SGCD: variants seen among roughly 807,000 people sequenced by gnomAD.
The protein encoded by SGCD is sarcoglycan delta, also known as delta-sarcoglycan.
A neutral mutation model predicts 36.6 loss-of-function variants in SGCD; 18 were observed. The observed-to-expected ratio is 0.49, with a 90% CI of 0.34 to 0.73. The LOEUF (loss-of-function observed/expected upper bound fraction) is 0.73, where lower values mean the gene tolerates loss of function less well. Ranked by LOEUF, SGCD falls within the 30% of genes least tolerant of loss-of-function variation. SGCD has a pLI of 0.01. For synonymous variants in SGCD, 133 were observed against 130.6 expected, an observed-to-expected ratio of 1.02 and a Z score of -0.12; for missense variants, 387 against 346.7, an observed-to-expected ratio of 1.12 and a Z score of -0.92.
chr5:155,951,830 A>G (rs1338334991), intron 1 of SGCD, among the ~76,000 whole-genome samples: 1 of 152,108 alleles, frequency 6.6e-6, no homozygotes, highest in Non-Finnish European at 1.5e-5. Flanking sequence ...TATAGAGGGA[A>G]TAGAATGAGG....
chr5:156,397,034 C>T (rs1192092542), intron 3 of SGCD, among the ~76,000 whole-genome samples: 2 of 152,092 alleles, frequency 1.3e-5, no homozygotes, highest in Non-Finnish European at 2.9e-5. Flanking sequence ...AGGTCTATTT[C>T]TAGGAGGTTA....
At chr5:156,351,117 A>C (rs1769226982) in intron 3 of SGCD, among the ~76,000 whole-genome samples, 1 of 152,174 alleles carries the variant, frequency 6.6e-6, no homozygotes, top group Non-Finnish European at 1.5e-5. Flanking sequence ...GTTCCCTGGT[A>C]GTTCCGAATG....
chr5:155,842,483 G>A, the SGCD span, among the ~76,000 whole-genome samples: 2 of 152,172 alleles, frequency 1.3e-5, no homozygotes, highest in Middle Eastern at 3.4e-3. Flanking sequence ...TGAGGCAGGA[G>A]AGTTGCTTGA....
At chr5:156,588,570 G>A (rs138136630) in intron 4 of SGCD, among the ~76,000 whole-genome samples, 125 of 152,242 alleles carry the variant, frequency 8.2e-4, no homozygotes, top group African/African-American at 2.7e-3. Flanking sequence ...GTGTACCACT[G>A]TGTGAAAAAG....
chr5:155,975,418 G>A (rs56167566), intron 1 of SGCD, among the ~76,000 whole-genome samples: 5,256 of 151,880 alleles, frequency 0.035, 328 homozygotes, highest in African/African-American at 0.12. Context: ...TGCACAGGAC[G>A]GTCCCCCAAG....
chr5:156,657,852 G>A (rs1055310202), intron 7 of SGCD, among the ~76,000 whole-genome samples: 1 of 125,398 alleles, frequency 8.0e-6, no homozygotes, highest in African/African-American at 3.1e-5. Flanking sequence ...GGAGGATCCC[G>A]CCAGCCTCTG....
intron 3 of SGCD, among the ~76,000 whole-genome samples, chr5:156,306,776 G>A (rs1767225126): frequency 1.3e-5 from 2 of 152,118 alleles, no homozygotes; most frequent in Admixed American, 6.5e-5. Flanking sequence ...TCAATTTCGT[G>A]TTCCTTTGTG....
chr5:156,029,176 G>C (rs1456198871), intron 1 of SGCD, among the ~76,000 whole-genome samples: 1 of 152,086 alleles, frequency 6.6e-6, no homozygotes, highest in Non-Finnish European at 1.5e-5. Flanking sequence ...GTGTTTAACT[G>C]AATATGAAAC....
At position 156,330,660 on chromosome 5, in the gene SGCD, G is replaced by A. The variant is rs144849526; in HGVS notation, c.3+1081G>A. ...CTCCTGACAAAAACTATGGCTCCTT[G>A]AGCTCAACTTAGTCATCTGAACAAT... On this transcript the variant is annotated intron_variant, in intron 2 of 8. Transcript: ENST00000337851. Among the ~76,000 whole-genome samples, 920 of 152,232 alleles carry A rather than the reference G, an allele frequency of 6.0e-3. 2 individuals are homozygous for A. The highest frequency in any genetic ancestry group is 8.1e-3 in the Admixed American group (124 of 15,290).
At chr5:155,952,917 A>G (rs944820109) in intron 1 of SGCD, among the ~76,000 whole-genome samples, 13 of 152,196 alleles carry the variant, frequency 8.5e-5, no homozygotes, top group Non-Finnish European at 1.8e-4. Context: ...GCAATTTGAT[A>G]TGACCAGCTT....
chr5:156,631,398 A>T (rs377305173), intron 6 of SGCD, among the ~76,000 whole-genome samples: 1 of 151,958 alleles, frequency 6.6e-6, no homozygotes, highest in Non-Finnish European at 1.5e-5. Context: ...GCAGCACAAG[A>T]TACACTTAGC....
In SGCD at chr5:156,099,283, C is replaced by G. The variant is rs143922208; in HGVS notation, c.-281-18595C>G. 9.6e-4 allele frequency among the ~76,000 whole-genome samples: 146 copies of G among 152,278 alleles called. 1 individual carries two copies. The highest frequency in any genetic ancestry group is 3.3e-3 in the African/African-American group (138 of 41,550). ...AATGATCTATGCCATCTTATCCTGA[C>G]CATAAATGTGTGCTGTACTCTTTGA... On this transcript the variant is annotated intron_variant, in intron 1 of 9. Transcript: ENST00000517913.
chr5:156,423,369 T>TA (rs1413161700), intron 3 of SGCD, among the ~76,000 whole-genome samples: 8,303 of 103,208 alleles, frequency 0.08, 1,484 homozygotes, highest in South Asian at 0.15. Context: ...TAATATATTA[T>TA]ATTTTATTAT....
chr5:155,889,232 G>A (rs975633651), intron 1 of SGCD, among the ~76,000 whole-genome samples: 8 of 151,818 alleles, frequency 5.3e-5, no homozygotes, highest in Non-Finnish European at 8.8e-5. Context: ...ACTTACCCAC[G>A]TAGAGGAAAT....
chr5:156,756,911 T>A (rs1360043492), intron 7 of SGCD, among the ~76,000 whole-genome samples: 2 of 152,196 alleles, frequency 1.3e-5, no homozygotes, highest in Non-Finnish European at 2.9e-5. Flanking sequence ...GGTTAAGGCC[T>A]GAGGCTTTCT....
intron 3 of SGCD, among the ~76,000 whole-genome samples, chr5:156,414,279 C>T (rs942973112): frequency 6.6e-6 from 1 of 152,144 alleles, no homozygotes; most frequent in Non-Finnish European, 1.5e-5. Flanking sequence ...CTTTAAATGC[C>T]TTTTGATTTC....
chr5:156,196,199 T>C (rs968586582), intron 3 of SGCD, among the ~76,000 whole-genome samples: 1 of 152,192 alleles, frequency 6.6e-6, no homozygotes, highest in Non-Finnish European at 1.5e-5. Flanking sequence ...TGTGCAGTTA[T>C]ATAGCTCTTG....
chr5:155,883,369 C>T (rs533563279), intron 1 of SGCD, among the ~76,000 whole-genome samples: 39 of 152,304 alleles, frequency 2.6e-4, no homozygotes, highest in African/African-American at 9.4e-4. Flanking sequence ...TTCTACATGC[C>T]TTCCTCACTA....
At chr5:156,164,761 T>G (rs1581140445) in intron 3 of SGCD, among the ~76,000 whole-genome samples, 1 of 152,226 alleles carries the variant, frequency 6.6e-6, no homozygotes, top group African/African-American at 2.4e-5. Flanking sequence ...TATGAGTACA[T>G]GAAGTGTACA....
Sources: allele counts gnomAD v4.1 joint callset (sites outside exome capture counted in the v4.1 genomes callset), GRCh38; gene constraint gnomAD v4.1.1; transcripts MANE v1.5; gene names NCBI Gene and HGNC (gene_info 2026-07-23, HGNC 2026-07-21).